The following TERF1 variants were observed in gnomAD, a reference collection of about 807,000 sequenced individuals.
TERF1 encodes the protein telomeric repeat binding factor 1, also known as telomeric repeat-binding factor 1.
TERF1 carries 20 observed loss-of-function variants against 55.1 expected under a neutral mutation model. That is an observed-to-expected ratio of 0.36 (90% CI 0.26 to 0.53). TERF1 has a LOEUF of 0.53. TERF1 is among the 20% of genes least tolerant of loss of function. TERF1 has a pLI of 0.91. For missense variants in TERF1, 439 were observed against 535.7 expected (o/e 0.82, Z 1.78); for synonymous variants, 168 against 181.2 (o/e 0.93, Z 0.59).
rs55838064 is a variant in TERF1 at position 73,036,259 on chromosome 8, G to A, written c.1040-2857G>A. ...CTGGTCATCATGTTGTGGTTTCCTTGACCTGCTTAATTGCCTATCTGACTG... is the reference window on the plus strand; with the variant it reads ...CTGGTCATCATGTTGTGGTTTCCTTAACCTGCTTAATTGCCTATCTGACTG... On this transcript the variant is annotated intron_variant, in intron 8 of 9. Coordinates refer to ENST00000276603, the MANE Select transcript of TERF1 (RefSeq NM_017489.3). 1.1e-4 allele frequency among the ~76,000 whole-genome samples: 17 copies of A among 152,246 alleles called. No individual in the cohort carries two copies. In the East Asian group the frequency reaches 3.3e-3, roughly 29 times the overall value.
In TERF1 at chr8:73,030,330, T is replaced by C. The variant is rs746605713; in HGVS notation, c.888-6T>C. 6.5e-7 allele frequency: 1 copy of C among 1,541,478 alleles called. No homozygotes were observed. The highest frequency in any genetic ancestry group is 1.3e-5 in the South Asian group (1 of 77,032). ...ACATTCTTACAAATTTTTTCTTCTTTTAAAGTGTTAGTGACAAACAGTCTG... is the reference window on the plus strand; with the variant it reads ...ACATTCTTACAAATTTTTTCTTCTTCTAAAGTGTTAGTGACAAACAGTCTG... On this transcript the variant is annotated splice_polypyrimidine_tract_variant and splice_region_variant and intron_variant, in intron 6 of 9. Coordinates refer to ENST00000276603, the MANE Select transcript of TERF1 (RefSeq NM_017489.3).
At chr8:73,029,473 AGTCTTGGTG>A (rs1161004348) in intron 6 of TERF1, among the ~76,000 whole-genome samples, 2 of 151,790 alleles carry the variant, frequency 1.3e-5, no homozygotes, top group African/African-American at 4.8e-5. Flanking sequence ...AAAATTAACC[AGTCTTGGTG>A]GTGCATGCCT....
chr8:73,031,886 G>A (rs1809301455), intron 7 of TERF1, 156 bp from the exon 8 acceptor site: 2 of 473,486 alleles, frequency 4.2e-6, no homozygotes, highest in East Asian at 6.8e-5. Flanking sequence ...AGAGGCCACA[G>A]GTTAAGATGG....
In TERF1 at chr8:73,026,900, A is replaced by G. The variant is rs16938556; in HGVS notation, c.775-40A>G. 4,321 of 1,483,748 alleles carry G rather than the reference A, an allele frequency of 2.9e-3. 103 individuals are homozygous for G. The African/African-American group carries it at 0.055, about 19-fold the overall frequency. The allele number at this position is 1,483,748 out of a possible 1,614,324, so 91.9% of individuals were successfully genotyped here. ...CTATTTGTTTAAAATGGCTTAATGC[A>G]TTTCTTCCTATCCTTCTACCTCCAC... On this transcript the variant is annotated intron_variant, in intron 5 of 9. Transcript: ENST00000276603.
intron 6 of TERF1, among the ~76,000 whole-genome samples, chr8:73,029,480 G>A (rs1809182911): frequency 6.6e-6 from 1 of 152,070 alleles, no homozygotes. Flanking sequence ...ACCAGTCTTG[G>A]TGGTGCATGC....
intron 6 of TERF1, among the ~76,000 whole-genome samples, chr8:73,029,580 C>CAGCCT (rs71300659): frequency 6.6e-6 from 1 of 150,624 alleles, no homozygotes; most frequent in Non-Finnish European, 1.5e-5. Context: ...CACTGCACTC[C>CAGCCT]GGTGACCCTC....
intron 1 of TERF1, chr8:73,012,924 G>T (rs1221852936): frequency 2.2e-6 from 1 of 456,026 alleles, no homozygotes; most frequent in African/African-American, 2.0e-5. Flanking sequence ...GCTGGCAGTA[G>T]ATGTTCAGTA....
intron 8 of TERF1, among the ~76,000 whole-genome samples, chr8:73,038,315 A>C (rs544057695): frequency 6.6e-6 from 1 of 151,944 alleles, no homozygotes; most frequent in Non-Finnish European, 1.5e-5. Flanking sequence ...TTAGTCGGGC[A>C]TGGCGGCCGG....
Position 73,027,073 on chromosome 8 carries a change from G to T in TERF1, c.887+21G>T, listed in dbSNP as rs367857395. On this transcript the variant is annotated intron_variant, in intron 6 of 9. Coordinates refer to ENST00000276603, the MANE Select transcript of TERF1 (RefSeq NM_017489.3). The stretch of plus-strand genomic sequence containing the variant: ...AAAAGGTTTGTAATTTAATCAATTT[G>T]TATATTTTTTGTTTTATGAATGTTC... 128 of 1,555,722 alleles carry T rather than the reference G, an allele frequency of 8.2e-5. 1 individual carries two copies. In the African/African-American group the frequency reaches 1.5e-3, roughly 18 times the overall value.
chr8:73,014,155 A>G (rs756271126), intron 2 of TERF1, among the ~76,000 whole-genome samples, 165 bp downstream of exon 2: 1 of 151,942 alleles, frequency 6.6e-6, no homozygotes, highest in Non-Finnish European at 1.5e-5. Context: ...AGTCATATCT[A>G]AAGCAAGTAA....
chr8:73,042,100 C>A (rs1809855130), intron 9 of TERF1, among the ~76,000 whole-genome samples: 1 of 152,032 alleles, frequency 6.6e-6, no homozygotes. Flanking sequence ...CAGCTTTTTT[C>A]TTCTGGGGAC....
intron 8 of TERF1, among the ~76,000 whole-genome samples, chr8:73,036,108 G>T (rs796416185): frequency 1.3e-5 from 2 of 152,322 alleles, no homozygotes; most frequent in African/African-American, 4.8e-5. Context: ...TGCTGCGAAG[G>T]CAGTAAGTTA....
At chr8:73,039,898 A>G (rs1438254249) in intron 9 of TERF1, among the ~76,000 whole-genome samples, 3 of 148,582 alleles carry the variant, frequency 2.0e-5, no homozygotes. Context: ...TGATCCTCCC[A>G]CCTTGGGCTC....
intron 8 of TERF1, among the ~76,000 whole-genome samples, chr8:73,036,933 C>A (rs988169968): frequency 7.3e-6 from 1 of 137,504 alleles, no homozygotes; most frequent in Non-Finnish European, 1.5e-5. Context: ...TAGTTTAATT[C>A]TATTTCAGTC....
intron 2 of TERF1, among the ~76,000 whole-genome samples, chr8:73,016,042 C>G (rs574774578): frequency 6.6e-6 from 1 of 152,090 alleles, no homozygotes; most frequent in Non-Finnish European, 1.5e-5. Flanking sequence ...CACTTGAGCC[C>G]ACGAGTTTAA....
Position 73,024,988 on chromosome 8 carries a change from A to G in TERF1, c.774+17A>G, listed in dbSNP as rs768633092. ...CTAATGAAGGTATACATATTATTCAAGAGTGACTAATAATAGACTTAAAGG... is the reference window on the plus strand; with the variant it reads ...CTAATGAAGGTATACATATTATTCAGGAGTGACTAATAATAGACTTAAAGG... On this transcript the variant is annotated intron_variant, in intron 5 of 9. Transcript: ENST00000276603. The G allele has an allele frequency of 1.4e-6, 2 of 1,434,354 alleles. No individual in the cohort carries two copies. Among genetic ancestry groups the G allele is most frequent in the African/African-American group, 1.4e-5 (1 of 69,634 alleles). 88.9% of individuals were successfully genotyped at this position (1,434,354 alleles called of 1,614,324 possible). A position where few individuals can be genotyped will look rare whatever the true frequency, so the allele number is the denominator to read the frequency against.
At chr8:73,044,520 T>A (rs1287723979) in intron 9 of TERF1, among the ~76,000 whole-genome samples, 1 of 152,198 alleles carries the variant, frequency 6.6e-6, no homozygotes, top group Non-Finnish European at 1.5e-5. Flanking sequence ...GAACTGGATT[T>A]TTTTTTCTTC....
intron 9 of TERF1, among the ~76,000 whole-genome samples, chr8:73,045,405 A>G (rs1472804108): frequency 1.3e-5 from 2 of 152,220 alleles, no homozygotes; most frequent in Admixed American, 6.5e-5. Context: ...TGTGTATAGT[A>G]TTAAATTTGA....
At chr8:73,027,380 A>G (rs1031343113) in intron 6 of TERF1, among the ~76,000 whole-genome samples, 3 of 152,172 alleles carry the variant, frequency 2.0e-5, no homozygotes, top group Admixed American at 6.5e-5. Flanking sequence ...TATGTGATTC[A>G]TGTTTCACTG....
Sources: gnomAD v4.1 joint callset for allele counts (sites outside exome capture counted in the v4.1 genomes callset) on GRCh38, gnomAD v4.1.1 for gene constraint, MANE v1.5 for transcripts, NCBI Gene and HGNC (gene_info 2026-07-23, HGNC 2026-07-21) for gene names.